The following PDCD6IP variants were observed in gnomAD, a reference collection of about 807,000 sequenced individuals.
The protein encoded by PDCD6IP is programmed cell death 6-interacting protein.
PDCD6IP carries 43 observed loss-of-function variants against 103.7 expected under a neutral mutation model. The observed-to-expected ratio is 0.41, with a 90% CI of 0.32 to 0.53. PDCD6IP has a LOEUF of 0.53. Among genes scored for constraint, PDCD6IP ranks in the 20% least tolerant of loss-of-function variants. The pLI, the probability that PDCD6IP is intolerant of heterozygous loss-of-function variation, is 0.16. For missense variants in PDCD6IP, 871 were observed against 1,036.7 expected (o/e 0.84, Z 2.20); for synonymous variants, 354 against 378.7 (o/e 0.93, Z 0.76).
chr3:33,856,914 T>C (rs1449085065), intron 15 of PDCD6IP, among the ~76,000 whole-genome samples: 6 of 152,118 alleles, frequency 3.9e-5, no homozygotes, highest in Non-Finnish European at 8.8e-5. Context: ...AAAAGCCATA[T>C]ATTCATTAGT....
At chr3:33,830,381 A>G (rs1697220222) in intron 7 of PDCD6IP, among the ~76,000 whole-genome samples, 1 of 152,154 alleles carries the variant, frequency 6.6e-6, no homozygotes, top group Non-Finnish European at 1.5e-5. Flanking sequence ...TTCTGGGACT[A>G]TTAGATTTAA....
At chr3:33,808,480 A>G (rs961241269) in intron 1 of PDCD6IP, among the ~76,000 whole-genome samples, 1 of 152,068 alleles carries the variant, frequency 6.6e-6, no homozygotes, top group Non-Finnish European at 1.5e-5. Context: ...AGGTCTCACT[A>G]TGTGCCCAGG....
intron 16 of PDCD6IP, among the ~76,000 whole-genome samples, chr3:33,864,464 C>CT (rs1698021841): frequency 6.6e-6 from 1 of 152,052 alleles, no homozygotes; most frequent in South Asian, 2.1e-4. Context: ...TTGATCATTT[C>CT]TAAAAGTGAA....
Position 33,864,128 on chromosome 3 carries a change from C to A in PDCD6IP, c.2243C>A (p.Pro748Gln). Residue 748 changes from proline (P) to glutamine (Q), a missense_variant and splice_region_variant, in exon 16 of 18, where the codon CCG (proline) becomes CAG (glutamine). Pro to Gln is a moderately conservative substitution (Grantham distance 76, BLOSUM62 -1). Around this residue, in one of 5 missense-constraint regions of PDCD6IP, gnomAD observed 202 missense variants for 205.2 expected, o/e 0.98. Coordinates refer to ENST00000307296, the MANE Select transcript of PDCD6IP (RefSeq NM_013374.6). ...TPPTPAPRTM[P>Q]PTKPQPPARP... ...CCAACTCCAGCGCCAAGAACCATGC[C>A]GGTTAGTAGGCAAATAAATATTTTA... is the stretch of plus-strand genomic sequence containing the variant. 6.7e-7 allele frequency: 1 copy of A among 1,503,148 alleles called. No homozygotes were observed. Among genetic ancestry groups the A allele is most frequent in the Non-Finnish European group, 9.3e-7 (1 of 1,080,364 alleles). 93.1% of individuals were successfully genotyped at this position (1,503,148 alleles called of 1,614,324 possible). A position where few individuals can be genotyped will look rare whatever the true frequency, so the allele number is the denominator to read the frequency against.
At chr3:33,824,424 A>G (rs1487921780) in intron 4 of PDCD6IP, among the ~76,000 whole-genome samples, 1 of 151,848 alleles carries the variant, frequency 6.6e-6, no homozygotes, top group Non-Finnish European at 1.5e-5. Context: ...TGCCCAGCTA[A>G]TTTTTGTATT....
chr3:33,803,683 G>A (rs1434333566), intron 1 of PDCD6IP, among the ~76,000 whole-genome samples: 1 of 151,964 alleles, frequency 6.6e-6, no homozygotes, highest in East Asian at 1.9e-4. Context: ...CTAATGTTGT[G>A]CATGTGTTAT....
chr3:33,816,350 C>T (rs964332398), intron 3 of PDCD6IP, among the ~76,000 whole-genome samples: 1 of 151,634 alleles, frequency 6.6e-6, no homozygotes, highest in Non-Finnish European at 1.5e-5. Context: ...ACTAAAAATA[C>T]AAAATTAGCC....
intron 1 of PDCD6IP, among the ~76,000 whole-genome samples, chr3:33,800,119 C>CAAAA (rs1173163869): frequency 1.8e-4 from 9 of 50,870 alleles, no homozygotes; most frequent in African/African-American, 5.9e-4. Context: ...GACTCCATCT[C>CAAAA]AAAAAAAAAA....
intron 13 of PDCD6IP, among the ~76,000 whole-genome samples, chr3:33,853,036 G>A (rs984209932): frequency 2.1e-4 from 31 of 150,696 alleles, no homozygotes; most frequent in African/African-American, 7.3e-4. Context: ...CCATTCTCCC[G>A]CTTCAGCCTC....
Position 33,813,730 on chromosome 3 carries a change from A to C in PDCD6IP, c.334+102A>C, listed in dbSNP as rs562655595. ...TCCTAATGACTCTTTGTAAATACTA[A>C]AGTTTTTTACATTTCATTCTCTTTT... is the stretch of plus-strand genomic sequence containing the variant. On this transcript the variant is annotated intron_variant, in intron 3 of 17. Transcript: ENST00000307296. 5.3e-5 allele frequency: 37 copies of C among 701,118 alleles called. 1 individual carries two copies. The Admixed American group carries it at 9.2e-4, about 18-fold the overall frequency. The allele number at this position is 701,118 out of a possible 1,614,324, so 43.4% of individuals were successfully genotyped here. A position where few individuals can be genotyped will look rare whatever the true frequency, so the allele number is the denominator to read the frequency against.
At chr3:33,853,422 A>G (rs1697762644) in intron 13 of PDCD6IP, among the ~76,000 whole-genome samples, 1 of 152,232 alleles carries the variant, frequency 6.6e-6, no homozygotes. Context: ...TTTTAAAAAA[A>G]TAATGCAAAG....
chr3:33,850,407 A>G (rs748814425), intron 12 of PDCD6IP, among the ~76,000 whole-genome samples: 11 of 152,166 alleles, frequency 7.2e-5, no homozygotes, highest in Non-Finnish European at 1.3e-4. Context: ...AAAGGTACAT[A>G]CAGAGAAGCC....
chr3:33,865,338 G>C lies in PDCD6IP; in HGVS notation c.2340G>C (p.Gly780=). The C allele has an allele frequency of 1.3e-6, 2 of 1,598,942 alleles. No homozygotes were observed. The highest frequency in any genetic ancestry group is 1.7e-6 in the Non-Finnish European group (2 of 1,173,378). Residue 780 remains glycine (G), a synonymous_variant, in exon 17 of 18, where the codon GGG becomes GGC. Coordinates refer to ENST00000307296, the MANE Select transcript of PDCD6IP (RefSeq NM_013374.6). ...CTGCTCCATCTCCAGTGGGGGCTGG[G>C]ACTGCTGCGCCAGCTCCATCACAAA... The part of the protein sequence containing the change: ...SATAPSPVGA[G]TAAPAPSQTP...
At position 33,845,571 on chromosome 3, in the gene PDCD6IP, A is replaced by G. The variant is rs1322506911; in HGVS notation, c.1624A>G (p.Thr542Ala). 6.2e-7 allele frequency: 1 copy of G among 1,610,674 alleles called. No individual in the cohort carries two copies. Among genetic ancestry groups the G allele is most frequent in the Non-Finnish European group, 8.5e-7 (1 of 1,177,918 alleles). Residue 542 changes from threonine to alanine, a missense_variant, in exon 12 of 18, where the codon ACC becomes GCC. By Grantham distance (58) the Thr-to-Ala change is moderately conservative. Around this residue, in one of 5 missense-constraint regions of PDCD6IP, gnomAD observed 266 missense variants for 390.5 expected, o/e 0.68. Transcript: ENST00000307296. ...AAIPSANPAK[T>A]MQGSEVVNVL... is the part of the protein sequence containing the mutation. Reference sequence around the variant, plus strand: ...CATCCCTTCTGCTAATCCAGCAAAGACCATGCAGGGCAGTGAGGTAAGAAG... The same window carrying G: ...CATCCCTTCTGCTAATCCAGCAAAGGCCATGCAGGGCAGTGAGGTAAGAAG...
chr3:33,831,914 C>A (rs1244980244), intron 7 of PDCD6IP, among the ~76,000 whole-genome samples: 1 of 152,112 alleles, frequency 6.6e-6, no homozygotes, highest in Admixed American at 6.6e-5. Context: ...AACAGGGAGA[C>A]CATCCTTAGA....
rs1475040170 is a variant in PDCD6IP, at chr3:33,826,528, A to G, written c.665A>G (p.Asp222Gly). The change falls in exon 6 of 18, where the codon GAT (aspartate) becomes GGT (glycine). Residue 222 changes from aspartate (D) to glycine (G), a missense_variant. Asp to Gly is a moderately conservative substitution (Grantham distance 94). Transcript: ENST00000307296. Reference protein sequence around the residue: ...IIAKLANQAADYFGDAFKQCQ... With the variant: ...IIAKLANQAAGYFGDAFKQCQ... ...GCTAAATTGGCTAATCAGGCTGCAG[A>G]TTATTTTGGTGATGCTTTCAAACAG... 17 of 1,612,540 alleles carry G rather than the reference A, an allele frequency of 1.1e-5. No individual in the cohort carries two copies. Among genetic ancestry groups the G allele is most frequent in the Non-Finnish European group, 1.4e-5 (17 of 1,179,204 alleles).
At chr3:33,812,160 T>G (rs1200345617) in intron 2 of PDCD6IP, 34 bp downstream of exon 2, 19 of 1,580,842 alleles carry the variant, frequency 1.2e-5, no homozygotes, top group Non-Finnish European at 1.6e-5. Flanking sequence ...AATTATATGG[T>G]AATAGCACCC....
Position 33,828,978 on chromosome 3 carries a change from C to T in PDCD6IP, c.834+9C>T. ...AAATTGCAAGGTTACAGGTGAGTCT[C>T]TTGGTAATAAATATTTAAGTAACTA... On this transcript the variant is annotated intron_variant, in intron 7 of 17. Transcript: ENST00000307296. 1 of 1,572,512 alleles carries T rather than the reference C, an allele frequency of 6.4e-7. No homozygotes were observed. Among genetic ancestry groups the T allele is most frequent in the South Asian group, 1.2e-5 (1 of 84,024 alleles).
chr3:33,866,414 A>G lies in PDCD6IP; in HGVS notation c.2496A>G (p.Pro832=). 2 of 1,611,820 alleles carry G rather than the reference A, an allele frequency of 1.2e-6. No individual in the cohort carries two copies. The highest frequency in any genetic ancestry group is 1.7e-6 in the Non-Finnish European group (2 of 1,179,084). Reference sequence around the variant, plus strand: ...ATGCGTATGGCCAGTATAATATGCCATATCCACCAGTGTATCACCAGAGTC... The same window carrying G: ...ATGCGTATGGCCAGTATAATATGCCGTATCCACCAGTGTATCACCAGAGTC... The part of the protein sequence containing the change: ...NPYAYGQYNM[P]YPPVYHQSPG... The change falls in exon 18 of 18, where the codon CCA becomes CCG. Residue 832 remains proline (P), a synonymous_variant. Coordinates refer to ENST00000307296, the MANE Select transcript of PDCD6IP (RefSeq NM_013374.6).
Sources: gnomAD v4.1 joint callset for allele counts (sites outside exome capture counted in the v4.1 genomes callset) on GRCh38, gnomAD v4.1.1 for gene constraint, gnomAD v4.1.1 regional missense constraint, MANE v1.5 for transcripts, NCBI Gene and HGNC (gene_info 2026-07-23, HGNC 2026-07-21) for gene names.